Variants in NCK2 observed in about 807,000 individuals in gnomAD.
NCK2 encodes cytoplasmic protein NCK2.
A neutral mutation model predicts 33.9 loss-of-function variants in NCK2; 16 were observed. The observed-to-expected ratio is 0.47, with a 90% CI of 0.32 to 0.72. The LOEUF (loss-of-function observed/expected upper bound fraction) is 0.72, where lower values mean the gene tolerates loss of function less well. NCK2 is among the 30% of genes least tolerant of loss of function. NCK2 has a pLI of 0.03. For synonymous variants in NCK2, 273 were observed against 239.9 expected (o/e 1.14, Z -1.27); for missense variants, 418 against 537.3 (o/e 0.78, Z 2.19).
At chr2:105,776,456 C>T (rs1318472969) in intron 1 of NCK2, among the ~76,000 whole-genome samples, 2 of 152,196 alleles carry the variant, frequency 1.3e-5, no homozygotes, top group Non-Finnish European at 2.9e-5. Flanking sequence ...TGTACAGTCA[C>T]CCAGCTGTGG....
chr2:105,885,388 GA>G (rs1678684066), intron 4 of NCK2, among the ~76,000 whole-genome samples: 1 of 152,116 alleles, frequency 6.6e-6, no homozygotes, highest in East Asian at 1.9e-4. Context: ...TAAAATATAT[GA>G]AAAGTATTTG....
At chr2:105,753,946 C>T (rs141265150) in intron 1 of NCK2, among the ~76,000 whole-genome samples, 1 of 152,308 alleles carries the variant, frequency 6.6e-6, no homozygotes, top group Non-Finnish European at 1.5e-5. Flanking sequence ...CTGATGGGAA[C>T]TCTGACACTG....
chr2:105,772,395 T>C (rs1192249708), intron 1 of NCK2, among the ~76,000 whole-genome samples: 1 of 152,136 alleles, frequency 6.6e-6, no homozygotes, highest in Non-Finnish European at 1.5e-5. Flanking sequence ...AAAATGTTCC[T>C]TTCTTTGTTC....
intron 2 of NCK2, among the ~76,000 whole-genome samples, chr2:105,828,079 T>C (rs1676021788): frequency 1.3e-5 from 2 of 152,186 alleles, no homozygotes; most frequent in Non-Finnish European, 2.9e-5. Flanking sequence ...CCTATACTTA[T>C]CTCAAAATTA....
At chr2:105,865,242 C>T (rs906495101) in intron 3 of NCK2, among the ~76,000 whole-genome samples, 1 of 152,174 alleles carries the variant, frequency 6.6e-6, no homozygotes, top group Admixed American at 6.5e-5. Flanking sequence ...TAGGTACCTG[C>T]CAGGTGCCCG....
intron 1 of NCK2, among the ~76,000 whole-genome samples, chr2:105,777,498 G>A (rs950882596): frequency 6.6e-6 from 1 of 152,142 alleles, no homozygotes; most frequent in Non-Finnish European, 1.5e-5. Flanking sequence ...TGCATTTTCT[G>A]TATGGATCAA....
intron 3 of NCK2, among the ~76,000 whole-genome samples, chr2:105,862,182 T>C (rs757163165): frequency 6.6e-6 from 1 of 152,110 alleles, no homozygotes; most frequent in Non-Finnish European, 1.5e-5. Context: ...TTTATATCAG[T>C]GGTAAAGACT....
chr2:105,805,448 G>A (rs112423115), intron 1 of NCK2, among the ~76,000 whole-genome samples: 11 of 152,134 alleles, frequency 7.2e-5, no homozygotes, highest in African/African-American at 2.7e-4. Flanking sequence ...TATTTAATTG[G>A]AATAATAATA....
chr2:105,777,601 C>T (rs910054867), intron 1 of NCK2, among the ~76,000 whole-genome samples: 2 of 152,136 alleles, frequency 1.3e-5, no homozygotes, highest in African/African-American at 4.8e-5. Context: ...CCTGCTTTGG[C>T]CAGTGGAAAT....
intron 1 of NCK2, among the ~76,000 whole-genome samples, chr2:105,766,880 G>C (rs1240170750): frequency 1.3e-5 from 2 of 152,228 alleles, no homozygotes; most frequent in African/African-American, 4.8e-5. Flanking sequence ...CATCAAATTA[G>C]TTTAGTAACT....
chr2:105,830,027 A>G (rs908099806), intron 2 of NCK2, among the ~76,000 whole-genome samples: 7 of 152,138 alleles, frequency 4.6e-5, no homozygotes, highest in African/African-American at 1.4e-4. Flanking sequence ...TGATACCTGT[A>G]TATAGTGTGT....
intron 1 of NCK2, among the ~76,000 whole-genome samples, chr2:105,765,817 CTGTGTGTGTG>C (rs1021023464): frequency 2.5e-5 from 3 of 121,336 alleles, no homozygotes; most frequent in Admixed American, 8.4e-5. Flanking sequence ...GTGTGTGTGT[CTGTGTGTGTG>C]TGTGTAAGTC....
intron 2 of NCK2, among the ~76,000 whole-genome samples, chr2:105,834,553 T>C (rs551710735): frequency 1.1e-3 from 170 of 152,316 alleles, no homozygotes; most frequent in Non-Finnish European, 2.1e-3. Context: ...TTATAGGTAA[T>C]GTTTTTTGTA....
chr2:105,882,179 T>C lies in NCK2; in HGVS notation c.948+130T>C. The C allele has an allele frequency of 2.7e-6, 3 of 1,105,526 alleles. No homozygotes were observed. In the Middle Eastern group the frequency reaches 9.7e-4, roughly 359 times the overall value. 68.5% of individuals were successfully genotyped at this position (1,105,526 alleles called of 1,614,324 possible). On this transcript the variant is annotated intron_variant, in intron 4 of 4. Transcript: ENST00000233154. ...AGCGGGAGACGCAGATGAATGCAAT[T>C]TAGTATAATGTTTGCTACTCCGTGA...
At chr2:105,889,920 A>T (rs1208090270) in intron 4 of NCK2, among the ~76,000 whole-genome samples, 1 of 152,132 alleles carries the variant, frequency 6.6e-6, no homozygotes, top group African/African-American at 2.4e-5. Context: ...TTCTCAGAGG[A>T]TGCTCATGCT....
chr2:105,836,187 G>A (rs111651210), intron 2 of NCK2, among the ~76,000 whole-genome samples: 9 of 150,342 alleles, frequency 6.0e-5, no homozygotes, highest in South Asian at 2.1e-4. Context: ...TTGCTTTTTC[G>A]TGTTTCTTGT....
chr2:105,886,584 C>T (rs1054909605), intron 4 of NCK2, among the ~76,000 whole-genome samples: 4 of 152,148 alleles, frequency 2.6e-5, no homozygotes, highest in African/African-American at 9.7e-5. Context: ...AGAACCACTA[C>T]GTTGTGGAGT....
At chr2:105,852,946 T>C (rs989291646) in intron 2 of NCK2, among the ~76,000 whole-genome samples, 5 of 152,222 alleles carry the variant, frequency 3.3e-5, no homozygotes, top group African/African-American at 1.2e-4. Flanking sequence ...AAAGGTTTGT[T>C]ATCTTTAAAT....
intron 1 of NCK2, among the ~76,000 whole-genome samples, chr2:105,759,251 A>G (rs1315031468): frequency 6.6e-6 from 1 of 152,224 alleles, no homozygotes; most frequent in Non-Finnish European, 1.5e-5. Flanking sequence ...CACATGCAGT[A>G]TATCGTTTTA....
Sources: allele counts gnomAD v4.1 joint callset (sites outside exome capture counted in the v4.1 genomes callset), GRCh38; gene constraint gnomAD v4.1.1; transcripts MANE v1.5; gene names NCBI Gene and HGNC (gene_info 2026-07-23, HGNC 2026-07-21).